RHOU: variants seen among roughly 807,000 people sequenced by gnomAD.
RHOU encodes ras homolog family member U.
RHOU carries 8 observed loss-of-function variants against 12.6 expected under a neutral mutation model. The observed-to-expected ratio is 0.64, with a 90% CI of 0.37 to 1.15. The LOEUF is 1.15. RHOU is among the 50% of genes most tolerant of loss of function. The pLI is 0.01. For synonymous variants in RHOU, 161 were observed against 147.4 expected, an observed-to-expected ratio of 1.09 and a Z score of -0.67; for missense variants, 258 against 347.0, an observed-to-expected ratio of 0.74 and a Z score of 2.04.
upstream of RHOU, chr1:228,734,950 G>GAA (rs3840437): frequency 6.6e-6 from 1 of 152,112 alleles, no homozygotes; most frequent in Non-Finnish European, 1.5e-5. Flanking sequence ...TTCAAAATGA[G>GAA]AAAAAATCAC....
chr1:228,694,169 T>C, the RHOU span, among the ~76,000 whole-genome samples: 2 of 152,240 alleles, frequency 1.3e-5, no homozygotes, highest in Non-Finnish European at 2.9e-5. Context: ...CTAGGTGACT[T>C]GCACACATTG....
At chr1:228,652,041 G>A in the RHOU span, among the ~76,000 whole-genome samples, 5 of 151,858 alleles carry the variant, frequency 3.3e-5, no homozygotes, top group Non-Finnish European at 7.4e-5. Flanking sequence ...TTATAAGTAT[G>A]ATACAAATCT....
the RHOU span, among the ~76,000 whole-genome samples, chr1:228,724,772 G>A: frequency 6.6e-6 from 1 of 152,316 alleles, no homozygotes. Flanking sequence ...TCCAGTAAGT[G>A]TTGCTTTTGA....
chr1:228,666,224 T>A, the RHOU span, among the ~76,000 whole-genome samples: 1 of 152,204 alleles, frequency 6.6e-6, no homozygotes, highest in Non-Finnish European at 1.5e-5. Context: ...CCTTTCCAAG[T>A]GCTAGGATTA....
At chr1:228,710,925 C>G in the RHOU span, among the ~76,000 whole-genome samples, 1 of 151,548 alleles carries the variant, frequency 6.6e-6, no homozygotes, top group South Asian at 2.1e-4. Context: ...TTGTCTCAGC[C>G]CAAAATCTCC....
the RHOU span, among the ~76,000 whole-genome samples, chr1:228,677,082 T>G: frequency 6.6e-5 from 10 of 152,020 alleles, no homozygotes; most frequent in African/African-American, 2.4e-4. Context: ...TATGGAGAGA[T>G]AATGGGTGAT....
chr1:228,646,469 G>T, the RHOU span, among the ~76,000 whole-genome samples: 3 of 72,724 alleles, frequency 4.1e-5, no homozygotes, highest in Middle Eastern at 9.6e-3. Flanking sequence ...GCCCCCTCTT[G>T]CCCCACCCAC....
chr1:228,707,130 A>ATATATATGTG, the RHOU span, among the ~76,000 whole-genome samples: 4 of 110,186 alleles, frequency 3.6e-5, no homozygotes, highest in East Asian at 1.1e-3. Flanking sequence ...ATATATACAT[A>ATATATATGTG]TATATATATA....
the RHOU span, among the ~76,000 whole-genome samples, chr1:228,697,471 G>T: frequency 1.3e-5 from 2 of 152,206 alleles, no homozygotes; most frequent in Admixed American, 1.3e-4. Context: ...TTGACCAATA[G>T]TGTTGGGCAA....
At chr1:228,707,237 A>ATATACATATATATATACATATG in the RHOU span, among the ~76,000 whole-genome samples, 2 of 36,478 alleles carry the variant, frequency 5.5e-5, no homozygotes. Flanking sequence ...ATACATATGT[A>ATATACATATATATATACATATG]TATATATATA....
At chr1:228,668,061 A>G in the RHOU span, among the ~76,000 whole-genome samples, 1 of 152,172 alleles carries the variant, frequency 6.6e-6, no homozygotes, top group Non-Finnish European at 1.5e-5. Context: ...GTTACTCACC[A>G]ATGGCCGATG....
the RHOU span, among the ~76,000 whole-genome samples, chr1:228,647,454 C>T: frequency 6.6e-6 from 1 of 152,194 alleles, no homozygotes; most frequent in Non-Finnish European, 1.5e-5. Context: ...TCCGGGTGCA[C>T]AGGGACTGTT....
At chr1:228,707,740 A>AAGC in the RHOU span, among the ~76,000 whole-genome samples, 2 of 152,182 alleles carry the variant, frequency 1.3e-5, no homozygotes, top group African/African-American at 4.8e-5. Flanking sequence ...AAACTCTAAA[A>AAGC]AGCAGAGTGC....
At chr1:228,663,443 C>T in the RHOU span, among the ~76,000 whole-genome samples, 1 of 151,896 alleles carries the variant, frequency 6.6e-6, no homozygotes, top group East Asian at 1.9e-4. Context: ...ACAATATTCT[C>T]AACTCATAGG....
the RHOU span, among the ~76,000 whole-genome samples, chr1:228,688,429 T>C: frequency 6.6e-6 from 1 of 152,190 alleles, no homozygotes; most frequent in Non-Finnish European, 1.5e-5. Flanking sequence ...ACTGCAGCCA[T>C]AGAATGGAGC....
chr1:228,726,484 G>C, the RHOU span, among the ~76,000 whole-genome samples: 1 of 152,096 alleles, frequency 6.6e-6, no homozygotes, highest in Non-Finnish European at 1.5e-5. Context: ...GATCGACATG[G>C]TGAAACCCCG....
the RHOU span, among the ~76,000 whole-genome samples, chr1:228,679,663 C>T: frequency 9.2e-5 from 14 of 151,934 alleles, no homozygotes; most frequent in Non-Finnish European, 8.8e-5. Context: ...AAAGGCCATG[C>T]TACAACAGAT....
At chr1:228,651,791 T>G in the RHOU span, among the ~76,000 whole-genome samples, 1 of 152,240 alleles carries the variant, frequency 6.6e-6, no homozygotes, top group Non-Finnish European at 1.5e-5. Context: ...TCCACCTTAT[T>G]TTTCAAACTT....
rs1271379556 is a variant in RHOU at position 228,744,484 on chromosome 1, T to C, written c.*744T>C. 6.6e-6 allele frequency: 1 copy of C among 152,190 alleles called. No homozygotes were observed. The highest frequency in any genetic ancestry group is 1.5e-5 in the Non-Finnish European group (1 of 68,034). The allele number at this position is 152,190 out of a possible 1,614,324, so 9.4% of individuals were successfully genotyped here. A position where few individuals can be genotyped will look rare whatever the true frequency, so the allele number is the denominator to read the frequency against. ...GGAAAGCAAGTGTTGGTCAGTAGTTTCATGTTTTAGGGAGTGGTTCCTGTG... is the reference window on the plus strand; with the variant it reads ...GGAAAGCAAGTGTTGGTCAGTAGTTCCATGTTTTAGGGAGTGGTTCCTGTG... On this transcript the variant is annotated 3_prime_UTR_variant, in exon 3 of 3. Coordinates refer to ENST00000366691, the MANE Select transcript of RHOU (RefSeq NM_021205.6).
Sources: allele counts gnomAD v4.1 joint callset (sites outside exome capture counted in the v4.1 genomes callset), GRCh38; gene constraint gnomAD v4.1.1; transcripts MANE v1.5; gene names NCBI Gene and HGNC (gene_info 2026-07-23, HGNC 2026-07-21).